NAALADL2: variants seen among roughly 807,000 people sequenced by gnomAD.
The protein encoded by NAALADL2 is N-acetylated alpha-linked acidic dipeptidase like 2, also known as inactive N-acetylated-alpha-linked acidic dipeptidase-like protein 2.
In NAALADL2, 76 loss-of-function variants were observed where a neutral mutation model predicts 87.2. The observed-to-expected ratio is 0.87, with a 90% CI of 0.72 to 1.05. The LOEUF is 1.05. Ranked by LOEUF, NAALADL2 falls within the 50% of genes least tolerant of loss-of-function variation. The pLI is 0.00. For missense variants in NAALADL2, 1,089 were observed against 945.8 expected (o/e 1.15, Z -1.99); for synonymous variants, 354 against 331.0 (o/e 1.07, Z -0.75).
chr3:175,777,943 GAC>G (rs1750481252), intron 13 of NAALADL2, among the ~76,000 whole-genome samples: 1 of 152,164 alleles, frequency 6.6e-6, no homozygotes, highest in African/African-American at 2.4e-5. Context: ...TGAACTTCAA[GAC>G]ACATTTTCTC....
chr3:175,025,992 G>A (rs1285952264), intron 1 of NAALADL2, among the ~76,000 whole-genome samples: 1 of 151,880 alleles, frequency 6.6e-6, no homozygotes, highest in Non-Finnish European at 1.5e-5. Flanking sequence ...TGTAATTTTT[G>A]TAAAGACGGG....
At chr3:175,162,616 GT>G (rs1223663385) in intron 2 of NAALADL2, among the ~76,000 whole-genome samples, 7 of 152,184 alleles carry the variant, frequency 4.6e-5, no homozygotes, top group Non-Finnish European at 5.9e-5. Context: ...TCCTCATACT[GT>G]TTGCAAACTC....
At chr3:175,320,223 G>T (rs1759668384) in intron 4 of NAALADL2, among the ~76,000 whole-genome samples, 1 of 151,914 alleles carries the variant, frequency 6.6e-6, no homozygotes, top group South Asian at 2.1e-4. Flanking sequence ...AAATGAATAA[G>T]CTTTTTACAA....
chr3:175,368,316 T>C (rs1384535732), intron 5 of NAALADL2, among the ~76,000 whole-genome samples: 5 of 152,138 alleles, frequency 3.3e-5, no homozygotes, highest in Non-Finnish European at 7.3e-5. Flanking sequence ...TCTAAAATTC[T>C]CTTTTTTGGT....
At chr3:174,768,408 G>A (rs1050875989) in intron 3 of NAALADL2, among the ~76,000 whole-genome samples, 4 of 152,076 alleles carry the variant, frequency 2.6e-5, no homozygotes, top group Non-Finnish European at 4.4e-5. Flanking sequence ...GATTACCTTT[G>A]GCATTAACTC....
At chr3:175,181,108 G>C (rs537784201) in intron 2 of NAALADL2, among the ~76,000 whole-genome samples, 1 of 152,072 alleles carries the variant, frequency 6.6e-6, no homozygotes, top group Non-Finnish European at 1.5e-5. Flanking sequence ...TTGTCTGTTA[G>C]CGTTTTGGTG....
intron 1 of NAALADL2, among the ~76,000 whole-genome samples, chr3:174,975,776 G>A (rs1744282164): frequency 6.6e-6 from 1 of 152,180 alleles, no homozygotes. Context: ...ACTACTTACT[G>A]AGAGCAATCA....
intron 9 of NAALADL2, among the ~76,000 whole-genome samples, chr3:175,553,545 T>A (rs1714771043): frequency 1.3e-5 from 2 of 152,064 alleles, no homozygotes; most frequent in African/African-American, 4.8e-5. Flanking sequence ...CTAGTTTTTT[T>A]CTTAATTACA....
At position 175,047,804 on chromosome 3, in the gene NAALADL2, C is replaced by T. The variant is rs536498942; in HGVS notation, c.44-48986C>T. ...TCTGGCATTTTATTAAAAAACTTTG[C>T]GAATTCCTGAATCTGATATTCACCT... On this transcript the variant is annotated intron_variant, in intron 1 of 13. Transcript: ENST00000454872. Among the ~76,000 whole-genome samples, 7 of 152,248 alleles carry T rather than the reference C, an allele frequency of 4.6e-5. No individual in the cohort carries two copies. The East Asian group carries it at 5.8e-4, about 13-fold the overall frequency.
chr3:174,567,979 A>G (rs1050216395), intron 2 of NAALADL2, among the ~76,000 whole-genome samples: 2 of 151,842 alleles, frequency 1.3e-5, no homozygotes, highest in Non-Finnish European at 3.0e-5. Context: ...TATTATTTCT[A>G]TGTGTTGGAG....
At chr3:175,716,167 A>G (rs1470209623) in intron 11 of NAALADL2, among the ~76,000 whole-genome samples, 1 of 146,668 alleles carries the variant, frequency 6.8e-6, no homozygotes, top group Non-Finnish European at 1.5e-5. Flanking sequence ...TATATAATAT[A>G]TTGGAATACA....
At chr3:174,771,434 C>G (rs544021632) in intron 3 of NAALADL2, among the ~76,000 whole-genome samples, 88 of 152,128 alleles carry the variant, frequency 5.8e-4, no homozygotes, top group Non-Finnish European at 1.1e-3. Context: ...ATGGTTGTTA[C>G]TGAATGAGGA....
At chr3:174,770,892 A>G (rs939195325) in intron 3 of NAALADL2, among the ~76,000 whole-genome samples, 1 of 152,002 alleles carries the variant, frequency 6.6e-6, no homozygotes, top group Admixed American at 6.6e-5. Context: ...TTTTATTTCA[A>G]TTGTTTATGG....
chr3:175,249,229 C>T (rs1212111869), intron 3 of NAALADL2, among the ~76,000 whole-genome samples: 1 of 151,810 alleles, frequency 6.6e-6, no homozygotes, highest in Non-Finnish European at 1.5e-5. Context: ...TTTATTTTCT[C>T]CCAAATTTTA....
At chr3:175,218,255 A>G in intron 2 of NAALADL2, 1 of 298,198 alleles carries the variant, frequency 3.4e-6, no homozygotes, top group Non-Finnish European at 6.7e-6. Flanking sequence ...TTAAAAACCA[A>G]TGGGTTATAT....
chr3:175,290,958 T>C (rs1215774157), intron 4 of NAALADL2, among the ~76,000 whole-genome samples: 4 of 152,178 alleles, frequency 2.6e-5, no homozygotes, highest in Non-Finnish European at 4.4e-5. Flanking sequence ...ACTAGAGAAG[T>C]AACAATATAA....
intron 2 of NAALADL2, among the ~76,000 whole-genome samples, chr3:175,119,784 A>G (rs1170374438): frequency 7.4e-6 from 1 of 134,374 alleles, no homozygotes; most frequent in Admixed American, 8.0e-5. Context: ...TATATATATA[A>G]AAGTATATAT....
At position 175,691,024 on chromosome 3, in the gene NAALADL2, C is replaced by T. The variant is rs867766462; in HGVS notation, c.1897-46282C>T. Among the ~76,000 whole-genome samples, 5 of 151,312 alleles carry T rather than the reference C, an allele frequency of 3.3e-5. No homozygotes were observed. In the South Asian group the frequency reaches 6.2e-4, roughly 19 times the overall value. Reference sequence around the variant, plus strand: ...TTGCCTATGAAATATACCTTTATTACTTGTAGTTGAATCACTTTGTAATAA... The same window carrying T: ...TTGCCTATGAAATATACCTTTATTATTTGTAGTTGAATCACTTTGTAATAA... On this transcript the variant is annotated intron_variant, in intron 11 of 13. Transcript: ENST00000454872.
At position 175,782,526 on chromosome 3, in the gene NAALADL2, G is replaced by A. The variant is rs1414592189; in HGVS notation, c.2190-20479G>A. Among the ~76,000 whole-genome samples, 9 of 136,092 alleles carry A rather than the reference G, an allele frequency of 6.6e-5. No homozygotes were observed. The East Asian group carries it at 1.3e-3, about 19-fold the overall frequency. 89.3% of individuals were successfully genotyped at this position (136,092 alleles called of 152,430 possible). ...CTTCTTTTGAGAAGTGTCTGTTCAT[G>A]TCCTTCGCCCACTTTTTGATGGGGT... is the stretch of plus-strand genomic sequence containing the variant. On this transcript the variant is annotated intron_variant, in intron 13 of 13. Transcript: ENST00000454872.
Sources: gnomAD v4.1 joint callset for allele counts (sites outside exome capture counted in the v4.1 genomes callset) on GRCh38, gnomAD v4.1.1 for gene constraint, MANE v1.5 for transcripts, NCBI Gene and HGNC (gene_info 2026-07-23, HGNC 2026-07-21) for gene names.